Variants in SAMSN1 observed in about 807,000 individuals in gnomAD.
SAMSN1 encodes the protein SAM domain, SH3 domain and nuclear localization signals 1.
Under a neutral mutation model 42.0 loss-of-function variants are expected in SAMSN1, and 31 were observed. The ratio of observed to expected loss-of-function variants is 0.74; its 90% CI spans 0.55 to 1.00. SAMSN1 has a LOEUF of 1.00. Ranked by LOEUF, SAMSN1 falls within the 50% of genes least tolerant of loss-of-function variation. The pLI, the probability that SAMSN1 is intolerant of heterozygous loss-of-function variation, is 0.00. For missense variants in SAMSN1, 464 were observed against 439.4 expected (o/e 1.06, Z -0.50); for synonymous variants, 178 against 151.9 (o/e 1.17, Z -1.26).
upstream of SAMSN1, among the ~76,000 whole-genome samples, chr21:14,585,930 T>C (rs1256352573): frequency 6.6e-6 from 1 of 152,070 alleles, no homozygotes; most frequent in African/African-American, 2.4e-5. Flanking sequence ...ATAAAAGGTA[T>C]AGAATCATTA....
intron 2 of SAMSN1, among the ~76,000 whole-genome samples, chr21:14,642,502 T>C (rs1054159061): frequency 6.6e-6 from 1 of 152,178 alleles, no homozygotes; most frequent in Non-Finnish European, 1.5e-5. Context: ...ATTCAGATAC[T>C]GCAAACCTGT....
chr21:14,565,131 C>T lies in SAMSN1; in HGVS notation c.261+17005G>A, dbSNP rs151242827. Reference sequence around the variant, plus strand: ...CCAACATGGTGAAACCCCATCTCTACTTAAAAATACAAAAATTAGCCGGGC... The same window carrying T: ...CCAACATGGTGAAACCCCATCTCTATTTAAAAATACAAAAATTAGCCGGGC... On this transcript the variant is annotated intron_variant, in intron 2 of 8. Coordinates refer to the SAMSN1 transcript ENST00000285670. Among the ~76,000 whole-genome samples the T allele has an allele frequency of 1.6e-3, 247 of 151,734 alleles. 4 individuals carry two copies. The East Asian group carries it at 0.044, about 27-fold the overall frequency.
At chr21:14,524,631 T>C (rs1296348516) in intron 1 of SAMSN1, among the ~76,000 whole-genome samples, 1 of 152,180 alleles carries the variant, frequency 6.6e-6, no homozygotes, top group Admixed American at 6.5e-5. Context: ...CAGCAATACA[T>C]TTGTATATGA....
chr21:14,636,094 T>C (rs1358113991), intron 2 of SAMSN1, among the ~76,000 whole-genome samples: 3 of 152,100 alleles, frequency 2.0e-5, no homozygotes, highest in Non-Finnish European at 4.4e-5. Flanking sequence ...AAATTTTTAT[T>C]CATATTCTAT....
intron 1 of SAMSN1, among the ~76,000 whole-genome samples, chr21:14,644,237 A>G (rs1361559241): frequency 3.9e-5 from 6 of 152,064 alleles, no homozygotes; most frequent in Non-Finnish European, 7.4e-5. Flanking sequence ...CCTAGGCTGC[A>G]TATCTTGAGG....
intron 2 of SAMSN1, among the ~76,000 whole-genome samples, chr21:14,640,013 C>T (rs1600979535): frequency 6.6e-6 from 1 of 152,220 alleles, no homozygotes; most frequent in East Asian, 1.9e-4. Context: ...TTAAAACCCC[C>T]AAATAAACCT....
intron 1 of SAMSN1, among the ~76,000 whole-genome samples, chr21:14,542,831 C>CT (rs1456386170): frequency 3.9e-5 from 6 of 152,076 alleles, no homozygotes; most frequent in African/African-American, 1.2e-4. Flanking sequence ...GTGGTCCCAG[C>CT]TACTCAGGAG....
rs530827948 is a variant in SAMSN1 at position 14,594,278 on chromosome 21, T to C, written c.400-200A>G. Among the ~76,000 whole-genome samples, 7 of 152,292 alleles carry C rather than the reference T, an allele frequency of 4.6e-5. No homozygotes were observed. The South Asian group carries it at 1.0e-3, about 23-fold the overall frequency. ...GCATATATACACATATATAGACAAA[T>C]ATGGAATATGTGTATGTATACATAG... On this transcript the variant is annotated intron_variant, in intron 6 of 15. Coordinates refer to the SAMSN1 transcript ENST00000647101.
chr21:14,602,446 C>T (rs888466129), intron 5 of SAMSN1, among the ~76,000 whole-genome samples: 2 of 152,130 alleles, frequency 1.3e-5, no homozygotes, highest in African/African-American at 2.4e-5. Context: ...GCAGTTATCA[C>T]CTCACCTGTT....
intron 1 of SAMSN1, among the ~76,000 whole-genome samples, chr21:14,644,846 G>T (rs563068302): frequency 2.3e-4 from 35 of 152,152 alleles, no homozygotes; most frequent in Non-Finnish European, 3.7e-4. Context: ...TGACTTAAGA[G>T]ACCTTGGGCC....
upstream of SAMSN1, among the ~76,000 whole-genome samples, chr21:14,549,501 T>C (rs566460956): frequency 6.6e-6 from 1 of 152,054 alleles, no homozygotes; most frequent in Non-Finnish European, 1.5e-5. Flanking sequence ...TGCCTCTGTG[T>C]ATTGCTGGGT....
At chr21:14,557,793 A>G (rs571275371) in intron 2 of SAMSN1, among the ~76,000 whole-genome samples, 3 of 152,240 alleles carry the variant, frequency 2.0e-5, no homozygotes, top group South Asian at 4.2e-4. Flanking sequence ...GGTCACGCTG[A>G]TCTCTCTGCA....
At chr21:14,603,343 C>A (rs1208417348) in intron 5 of SAMSN1, among the ~76,000 whole-genome samples, 1 of 152,124 alleles carries the variant, frequency 6.6e-6, no homozygotes, top group African/African-American at 2.4e-5. Context: ...AAATAAGATA[C>A]GAATATGTGC....
At chr21:14,498,692 A>C in intron 6 of SAMSN1, 100 bp from the exon 7 acceptor site, 3 of 878,088 alleles carry the variant, frequency 3.4e-6, no homozygotes, top group South Asian at 2.1e-5. Context: ...CATGGGGACC[A>C]AAGGTGCCAA....
chr21:14,541,915 C>G (rs1980060009), intron 1 of SAMSN1, among the ~76,000 whole-genome samples: 1 of 151,102 alleles, frequency 6.6e-6, no homozygotes, highest in Admixed American at 6.6e-5. Context: ...GTCACATAAG[C>G]TCAGGCATGC....
At chr21:14,551,548 T>C (rs1418173278) in intron 2 of SAMSN1, among the ~76,000 whole-genome samples, 1 of 152,098 alleles carries the variant, frequency 6.6e-6, no homozygotes, top group African/African-American at 2.4e-5. Flanking sequence ...ATTATAAGTA[T>C]TTCCTTTCTA....
At chr21:14,603,979 G>A (rs1306315898) in intron 5 of SAMSN1, among the ~76,000 whole-genome samples, 1 of 152,096 alleles carries the variant, frequency 6.6e-6, no homozygotes, top group East Asian at 1.9e-4. Flanking sequence ...AACGCCATAT[G>A]GCCCCAAACA....
At chr21:14,624,753 G>A (rs565111606) in intron 2 of SAMSN1, among the ~76,000 whole-genome samples, 140 of 152,296 alleles carry the variant, frequency 9.2e-4, no homozygotes, top group Non-Finnish European at 1.7e-3. Context: ...CAGAAAAAGA[G>A]GGAATCCTCC....
At chr21:14,612,845 G>A (rs935443354) in intron 4 of SAMSN1, 5 of 698,638 alleles carry the variant, frequency 7.2e-6, no homozygotes, top group East Asian at 2.7e-5. Flanking sequence ...AGAATACATC[G>A]TTTACACTTG....
Sources: allele counts gnomAD v4.1 joint callset (sites outside exome capture counted in the v4.1 genomes callset), GRCh38; gene constraint gnomAD v4.1.1; transcripts MANE v1.5; gene names NCBI Gene and HGNC (gene_info 2026-07-23, HGNC 2026-07-21).